Variants in DNM3 observed in about 807,000 individuals in gnomAD.
DNM3 encodes dynamin-3.
A neutral mutation model predicts 101.6 loss-of-function variants in DNM3; 47 were observed. The observed-to-expected ratio is 0.46, with a 90% CI of 0.37 to 0.59. DNM3 has a LOEUF of 0.59. Ranked by LOEUF, DNM3 falls within the 20% of genes least tolerant of loss-of-function variation. DNM3 has a pLI of 0.00. For synonymous variants in DNM3, 385 were observed against 387.9 expected, an observed-to-expected ratio of 0.99 and a Z score of 0.09; for missense variants, 849 against 1,085.7, an observed-to-expected ratio of 0.78 and a Z score of 3.06.
chr1:172,164,075 G>C (rs1328731670), intron 14 of DNM3, among the ~76,000 whole-genome samples: 1 of 151,780 alleles, frequency 6.6e-6, no homozygotes, highest in Non-Finnish European at 1.5e-5. Flanking sequence ...GTGGGGTTGA[G>C]ACTTTATAAT....
chr1:172,100,531 C>G (rs548068512), intron 13 of DNM3, among the ~76,000 whole-genome samples: 3 of 152,302 alleles, frequency 2.0e-5, no homozygotes, highest in African/African-American at 7.2e-5. Context: ...TAAGAGAGAT[C>G]CTTCCAGTCC....
intron 7 of DNM3, among the ~76,000 whole-genome samples, chr1:172,041,500 TTA>T (rs2049383963): frequency 6.6e-6 from 1 of 152,044 alleles, no homozygotes. Flanking sequence ...CTTCTGAGAG[TTA>T]TAGGCTAAAG....
chr1:172,099,385 A>G (rs1652199187), intron 13 of DNM3, among the ~76,000 whole-genome samples: 1 of 152,198 alleles, frequency 6.6e-6, no homozygotes, highest in African/African-American at 2.4e-5. Flanking sequence ...CTTCTCCTGC[A>G]TAGAACCTGC....
At chr1:171,952,815 CTT>C (rs751330851) in intron 2 of DNM3, among the ~76,000 whole-genome samples, 93 of 152,228 alleles carry the variant, frequency 6.1e-4, no homozygotes, top group Non-Finnish European at 9.0e-4. Context: ...AACCAAATAA[CTT>C]TCTATGACTG....
At chr1:172,262,298 G>A (rs897347305) in intron 15 of DNM3, among the ~76,000 whole-genome samples, 1 of 152,142 alleles carries the variant, frequency 6.6e-6, no homozygotes, top group Non-Finnish European at 1.5e-5. Flanking sequence ...GGTATGATGG[G>A]CATGGGATCA....
chr1:172,353,031 C>T (rs1336515438), intron 17 of DNM3, among the ~76,000 whole-genome samples: 3 of 152,120 alleles, frequency 2.0e-5, no homozygotes, highest in African/African-American at 7.2e-5. Context: ...AAATCCCCAC[C>T]TCAAGGTATT....
At chr1:172,342,089 TTAAAAAAA>T (rs1433402779) in intron 17 of DNM3, among the ~76,000 whole-genome samples, 1 of 151,978 alleles carries the variant, frequency 6.6e-6, no homozygotes, top group Non-Finnish European at 1.5e-5. Flanking sequence ...ATGGCTACTA[TTAAAAAAA>T]TAAAAAAATA....
intron 4 of DNM3, among the ~76,000 whole-genome samples, chr1:172,000,354 G>GAA (rs2046285509): frequency 6.6e-6 from 1 of 152,076 alleles, no homozygotes; most frequent in Non-Finnish European, 1.5e-5. Context: ...GGAATGTGAG[G>GAA]AAGCCCAGTA....
chr1:172,172,270 C>T (rs746214326), intron 14 of DNM3, among the ~76,000 whole-genome samples: 3 of 151,568 alleles, frequency 2.0e-5, no homozygotes, highest in Non-Finnish European at 4.4e-5. Context: ...AGTAGTCCCC[C>T]CTAATTCACA....
At chr1:172,177,390 A>G (rs2059191002) in intron 14 of DNM3, among the ~76,000 whole-genome samples, 1 of 151,844 alleles carries the variant, frequency 6.6e-6, no homozygotes, top group African/African-American at 2.4e-5. Flanking sequence ...ACTTTATCAT[A>G]GCTATGTATG....
chr1:172,093,677 T>A, intron 13 of DNM3: 3 of 1,604,060 alleles, frequency 1.9e-6, no homozygotes, highest in Non-Finnish European at 2.5e-6. Flanking sequence ...CTAAAGCATA[T>A]AATTCTTTGC....
chr1:172,413,225 TTTTG>T (rs749870220), downstream of DNM3, among the ~76,000 whole-genome samples: 39 of 152,068 alleles, frequency 2.6e-4, no homozygotes, highest in Middle Eastern at 3.2e-3. Flanking sequence ...TTCCCCAGTT[TTTTG>T]TTTGTTTGTT....
intron 1 of DNM3, among the ~76,000 whole-genome samples, chr1:171,845,825 G>A (rs12127965): frequency 0.43 from 65,025 of 151,958 alleles, 14,091 homozygotes; most frequent in African/African-American, 0.46. Context: ...TTGCTAATAC[G>A]CAGATGTTTT....
intron 13 of DNM3, among the ~76,000 whole-genome samples, chr1:172,093,454 C>T (rs931403911): frequency 2.6e-5 from 4 of 152,182 alleles, no homozygotes; most frequent in Non-Finnish European, 5.9e-5. Flanking sequence ...ATTAACTCAA[C>T]AGTTTGCTGT....
chr1:172,335,729 G>T (rs2066391626), intron 17 of DNM3, among the ~76,000 whole-genome samples: 1 of 152,104 alleles, frequency 6.6e-6, no homozygotes, highest in African/African-American at 2.4e-5. Context: ...TTATAAGTGG[G>T]AGCTAAACAC....
At chr1:172,403,066 T>G (rs745347966) in intron 20 of DNM3, among the ~76,000 whole-genome samples, 16 of 152,190 alleles carry the variant, frequency 1.1e-4, no homozygotes, top group Admixed American at 6.5e-5. Flanking sequence ...GGAACTCTGA[T>G]GCAAGGTCCA....
chr1:171,876,377 CT>C (rs147503182), intron 1 of DNM3, among the ~76,000 whole-genome samples: 2,615 of 152,044 alleles, frequency 0.017, 60 homozygotes, highest in African/African-American at 0.059. Context: ...ATGTTCTTTC[CT>C]TTTTTTTCTT....
chr1:171,965,038 C>T (rs1476264009), intron 2 of DNM3, among the ~76,000 whole-genome samples: 1 of 152,070 alleles, frequency 6.6e-6, no homozygotes, highest in African/African-American at 2.4e-5. Context: ...AACACAGACT[C>T]CACAGGTTGA....
chr1:172,215,622 GA>G (rs1446640080), intron 14 of DNM3, among the ~76,000 whole-genome samples: 1 of 151,906 alleles, frequency 6.6e-6, no homozygotes. Flanking sequence ...GCAAAAATTG[GA>G]AGATAAAAAA....
Sources: allele counts gnomAD v4.1 joint callset (sites outside exome capture counted in the v4.1 genomes callset), GRCh38; gene constraint gnomAD v4.1.1; transcripts MANE v1.5; gene names NCBI Gene and HGNC (gene_info 2026-07-23, HGNC 2026-07-21).